MSH4: variants seen among roughly 807,000 people sequenced by gnomAD.
MSH4 encodes mutS protein homolog 4.
MSH4 carries 106 observed loss-of-function variants against 113.7 expected under a neutral mutation model. The observed-to-expected ratio is 0.93, with a 90% CI of 0.80 to 1.10. The LOEUF (loss-of-function observed/expected upper bound fraction) is 1.10. Ranked by LOEUF, MSH4 falls within the 50% of genes least tolerant of loss-of-function variation. The pLI is 0.00. For synonymous variants in MSH4, 368 were observed against 380.2 expected, an observed-to-expected ratio of 0.97 and a Z score of 0.37; for missense variants, 1,061 against 1,093.7, an observed-to-expected ratio of 0.97 and a Z score of 0.42.
chr1:75,872,649 A>T (rs1651740003), intron 9 of MSH4, among the ~76,000 whole-genome samples: 1 of 152,246 alleles, frequency 6.6e-6, no homozygotes, highest in Non-Finnish European at 1.5e-5. Flanking sequence ...CCTTGCAGTG[A>T]ACACATGCCA....
At chr1:75,886,554 G>T (rs111204989) in intron 15 of MSH4, among the ~76,000 whole-genome samples, 1 of 112,978 alleles carries the variant, frequency 8.9e-6, no homozygotes, top group African/African-American at 3.6e-5. Flanking sequence ...TATTATATAC[G>T]ATGTATTATA....
intron 1 of MSH4, among the ~76,000 whole-genome samples, chr1:75,801,106 T>A (rs1288002595): frequency 6.6e-6 from 1 of 152,228 alleles, no homozygotes; most frequent in Non-Finnish European, 1.5e-5. Flanking sequence ...AAATTTAGAA[T>A]TCAATATGTA....
Position 75,897,950 on chromosome 1 carries a change from T to C in MSH4, c.2399T>C (p.Ile800Thr). 6.3e-7 allele frequency: 1 copy of C among 1,597,782 alleles called. No individual in the cohort carries two copies. The highest frequency in any genetic ancestry group is 8.5e-7 in the Non-Finnish European group (1 of 1,172,160). ...FATHFLELCHIDALYPNVENM... is the reference protein window; with the variant it reads ...FATHFLELCHTDALYPNVENM... ...ACACATTTCCTGGAACTATGCCATA[T>C]TGATGCCCTGTATCCTAATGTAGAA... The change falls in exon 18 of 20, where the codon ATT becomes ACT. Residue 800 changes from isoleucine to threonine, a missense_variant. By Grantham distance (89) the Ile-to-Thr change is moderately conservative. Transcript: ENST00000263187.
At chr1:75,905,050 G>T (rs774764239) in intron 19 of MSH4, among the ~76,000 whole-genome samples, 2 of 150,778 alleles carry the variant, frequency 1.3e-5, no homozygotes, top group Non-Finnish European at 3.0e-5. Context: ...ATTTATTTCT[G>T]CTTTGATCTC....
intron 15 of MSH4, among the ~76,000 whole-genome samples, chr1:75,885,059 G>GTGTGTATATTTATATATATATATA (rs1300289205): frequency 3.6e-5 from 4 of 112,562 alleles, no homozygotes; most frequent in African/African-American, 1.6e-4. Context: ...GTGTGTGTGT[G>GTGTGTATATTTATATATATATATA]TATATATATA....
intron 19 of MSH4, among the ~76,000 whole-genome samples, chr1:75,908,681 G>T (rs976367108): frequency 7.2e-5 from 11 of 152,134 alleles, no homozygotes; most frequent in Admixed American, 2.6e-4. Flanking sequence ...TTTTTGCAAT[G>T]AAGGATCAGT....
chr1:75,825,221 A>C (rs1431460850), intron 7 of MSH4, among the ~76,000 whole-genome samples: 4 of 151,838 alleles, frequency 2.6e-5, no homozygotes, highest in Admixed American at 2.6e-4. Flanking sequence ...TTTTCTTCGT[A>C]GCGGTTGTGA....
chr1:75,891,756 A>G (rs1163795648), intron 17 of MSH4, among the ~76,000 whole-genome samples: 1 of 152,148 alleles, frequency 6.6e-6, no homozygotes, highest in Non-Finnish European at 1.5e-5. Context: ...CCCAGCTCGT[A>G]ATGATTTATT....
chr1:75,810,656 C>A, intron 3 of MSH4, 41 bp from the exon 4 acceptor site: 1 of 938,956 alleles, frequency 1.1e-6, no homozygotes, highest in South Asian at 2.0e-5. Flanking sequence ...CTTTTATTTC[C>A]TAAGCTTTAT....
intron 19 of MSH4, among the ~76,000 whole-genome samples, chr1:75,909,920 G>A (rs1295234898): frequency 6.6e-6 from 1 of 151,926 alleles, no homozygotes; most frequent in Non-Finnish European, 1.5e-5. Flanking sequence ...CTCAGAGGAA[G>A]AGACTGACTT....
At chr1:75,900,162 A>T (rs1468861034) in intron 19 of MSH4, among the ~76,000 whole-genome samples, 1 of 152,020 alleles carries the variant, frequency 6.6e-6, no homozygotes, top group East Asian at 1.9e-4. Flanking sequence ...GATTACTTCT[A>T]CTCTTAATTT....
chr1:75,890,742 TTGA>T lies in MSH4; in HGVS notation c.2277_2279del (p.Asp759del). The T allele has an allele frequency of 1.2e-6, 2 of 1,608,604 alleles. No homozygotes were observed. Among genetic ancestry groups the T allele is most frequent in the Non-Finnish European group, 1.7e-6 (2 of 1,177,238 alleles). The stretch of plus-strand genomic sequence containing the variant: ...GCTAATGACAAATCGCTCATATTAA[TTGA>T]TGAACTTGGCAGAGGTACTAATACG... On this transcript the variant is annotated inframe_deletion, in exon 17 of 20. Transcript: ENST00000263187.
intron 8 of MSH4, among the ~76,000 whole-genome samples, chr1:75,862,195 T>A (rs915294339): frequency 6.6e-6 from 1 of 152,070 alleles, no homozygotes; most frequent in African/African-American, 2.4e-5. Flanking sequence ...CACTCACAAC[T>A]TCCCTTGGCT....
intron 15 of MSH4, among the ~76,000 whole-genome samples, chr1:75,885,339 GTGTA>G (rs1245155720): frequency 1.8e-4 from 22 of 124,766 alleles, no homozygotes; most frequent in South Asian, 7.9e-4. Context: ...GTGTGTGTGT[GTGTA>G]TATATATATA....
intron 7 of MSH4, among the ~76,000 whole-genome samples, chr1:75,831,252 A>G (rs1650682350): frequency 6.6e-6 from 1 of 152,218 alleles, no homozygotes; most frequent in Non-Finnish European, 1.5e-5. Flanking sequence ...TCCTAAATAT[A>G]TATGCACCCA....
chr1:75,879,052 C>T lies in MSH4; in HGVS notation c.1601C>T (p.Ala534Val), dbSNP rs1464589963. ...CCTTTAAGGACAAGTTTTAGCTCTG[C>T]TCGAGGATTTTTCATCCAGATGACT... ...SLPLRTSFSSARGFFIQMTTD... is the reference protein window; with the variant it reads ...SLPLRTSFSSVRGFFIQMTTD... Residue 534 changes from alanine to valine, a missense_variant, in exon 12 of 20, where the codon GCT becomes GTT. Physicochemically the swap from Ala to Val is moderately conservative, Grantham distance 64. Coordinates refer to ENST00000263187, the MANE Select transcript of MSH4 (RefSeq NM_002440.4). 6 of 1,610,070 alleles carry T rather than the reference C, an allele frequency of 3.7e-6. No homozygotes were observed. Among genetic ancestry groups the T allele is most frequent in the Non-Finnish European group, 5.1e-6 (6 of 1,176,624 alleles).
At chr1:75,831,377 C>T (rs779993464) in intron 7 of MSH4, among the ~76,000 whole-genome samples, 5 of 151,432 alleles carry the variant, frequency 3.3e-5, no homozygotes, top group South Asian at 4.2e-4. Context: ...TTAGACAGAT[C>T]GAGACACAAA....
chr1:75,895,755 C>T (rs773208724), intron 17 of MSH4, among the ~76,000 whole-genome samples: 1 of 152,084 alleles, frequency 6.6e-6, no homozygotes, highest in Non-Finnish European at 1.5e-5. Flanking sequence ...CACTCAGTGA[C>T]GTTACCTCCT....
chr1:75,900,245 A>C (rs571632435), intron 19 of MSH4, among the ~76,000 whole-genome samples: 2 of 152,228 alleles, frequency 1.3e-5, no homozygotes, highest in East Asian at 3.9e-4. Context: ...CTGTTGACTC[A>C]AAATTTGGAA....
Sources: allele counts gnomAD v4.1 joint callset (sites outside exome capture counted in the v4.1 genomes callset), GRCh38; gene constraint gnomAD v4.1.1; transcripts MANE v1.5; gene names NCBI Gene and HGNC (gene_info 2026-07-23, HGNC 2026-07-21).